Variants in AK9 observed in about 807,000 individuals in gnomAD.
The protein encoded by AK9 is adenylate kinase 9.
AK9 carries 191 observed loss-of-function variants against 239.6 expected under a neutral mutation model. The ratio of observed to expected loss-of-function variants is 0.80; its 90% CI spans 0.71 to 0.90. AK9 has a LOEUF of 0.90. Among genes scored for constraint, AK9 ranks in the 40% least tolerant of loss-of-function variants. AK9 has a pLI of 0.00. For missense variants in AK9, 1,995 were observed against 2,214.7 expected (o/e 0.90, Z 1.99); for synonymous variants, 689 against 721.0 (o/e 0.96, Z 0.71).
chr6:109,640,465 T>G (rs927778410), intron 10 of AK9, among the ~76,000 whole-genome samples: 4 of 152,176 alleles, frequency 2.6e-5, no homozygotes, highest in Non-Finnish European at 5.9e-5. Context: ...CCCAATGAGA[T>G]GAACCAGGTA....
At chr6:109,631,606 T>G (rs913166515) in intron 12 of AK9, 1 of 152,214 alleles carries the variant, frequency 6.6e-6, no homozygotes, top group Non-Finnish European at 1.5e-5. Flanking sequence ...GGAACTACTT[T>G]GGAAAACAAT....
intron 27 of AK9, among the ~76,000 whole-genome samples, chr6:109,540,598 G>A (rs1049198411): frequency 6.6e-6 from 1 of 152,174 alleles, no homozygotes; most frequent in African/African-American, 2.4e-5. Context: ...TCAGTGGGCT[G>A]CACCCACTGT....
Position 109,614,207 on chromosome 6 carries a change from G to C in AK9, c.1585C>G (p.Gln529Glu), listed in dbSNP as rs745748237. 33 of 1,551,048 alleles carry C rather than the reference G, an allele frequency of 2.1e-5. No individual in the cohort carries two copies. Among genetic ancestry groups the C allele is most frequent in the Non-Finnish European group, 2.8e-5 (32 of 1,146,668 alleles). ...CCATCTTTATCAACTTTAGCAGCTT[G>C]ATCATGGAGGACATTTTCTGACTTT... is the stretch of plus-strand genomic sequence containing the variant. ...KTKSENVLHDQAAKVDKDDGK... is the reference protein window; with the variant it reads ...KTKSENVLHDEAAKVDKDDGK... The change falls in exon 15 of 41, where the codon CAA (glutamine) becomes GAA (glutamate). Residue 529 changes from glutamine (Q) to glutamate (E), a missense_variant. Physicochemically the swap from Gln to Glu is conservative, Grantham distance 29. Around this residue, in one of 5 missense-constraint regions of AK9, gnomAD observed 1,290 missense variants for 1,392.7 expected, o/e 0.93. Coordinates refer to ENST00000424296, the MANE Select transcript of AK9 (RefSeq NM_001145128.3).
chr6:109,515,926 G>T lies in AK9; in HGVS notation c.3996C>A (p.Pro1332=), dbSNP rs1292694990. 1 of 1,551,752 alleles carries T rather than the reference G, an allele frequency of 6.4e-7. No homozygotes were observed. The highest frequency in any genetic ancestry group is 2.4e-5 in the East Asian group (1 of 40,908). Residue 1332 remains proline, a synonymous_variant, in exon 31 of 41, where the codon CCC becomes CCA. Transcript: ENST00000424296. ...IFEKCHPIPA[P]LAQKMLTFTY... ...TAAAGGTGAGCATTTTCTGGGCAAG[G>T]GGTGCTGGTATTGGATGACATTTCT...
intron 27 of AK9, among the ~76,000 whole-genome samples, chr6:109,536,467 T>C (rs1782008152): frequency 6.6e-6 from 1 of 152,238 alleles, no homozygotes; most frequent in Non-Finnish European, 1.5e-5. Flanking sequence ...TCCTGAGACT[T>C]TGCTGAAGTT....
At chr6:109,601,387 T>C (rs141631868) in intron 17 of AK9, among the ~76,000 whole-genome samples, 3,163 of 152,312 alleles carry the variant, frequency 0.021, 100 homozygotes, top group African/African-American at 0.073. Context: ...TTGAGCAGTT[T>C]TGAGTGAGTT....
Position 109,509,205 on chromosome 6 carries a change from C to T in AK9, c.4455G>A (p.Leu1485=). ...ELAIQALELS[L]MESVCNTAGV... is the part of the protein sequence containing the mutation. ...CTGCAGTATTGCACACACTTTCCAT[C>T]AGAGAAAGTTCTAAGGCTTGAATAG... The change falls in exon 33 of 41, where the codon CTG becomes CTA. Residue 1485 remains leucine (L), a synonymous_variant. Transcript: ENST00000424296. 1 of 1,552,212 alleles carries T rather than the reference C, an allele frequency of 6.4e-7. No homozygotes were observed. Among genetic ancestry groups the T allele is most frequent in the Non-Finnish European group, 8.7e-7 (1 of 1,147,090 alleles).
Position 109,633,007 on chromosome 6 carries a change from T to C in AK9, c.1170A>G (p.Pro390=), listed in dbSNP as rs762688030. 3.1e-6 allele frequency: 5 copies of C among 1,607,060 alleles called. No individual in the cohort carries two copies. The South Asian group carries it at 5.6e-5, about 18-fold the overall frequency. ...GTCCAAGTATGAATACTTTACATGG[T>C]GGTCCTGGCATAGGTGGAAGCAGAT... is the stretch of plus-strand genomic sequence containing the variant. ...RPYLLPPMPG[P]PCKVFILGPQ... The change falls in exon 12 of 41, where the codon CCA becomes CCG. Residue 390 remains proline, a synonymous_variant. Transcript: ENST00000424296.
chr6:109,508,185 T>C (rs1294784768), intron 33 of AK9, among the ~76,000 whole-genome samples: 4 of 152,214 alleles, frequency 2.6e-5, no homozygotes, highest in Non-Finnish European at 5.9e-5. Context: ...GCAGAGGGGA[T>C]TGTTGGCTAG....
chr6:109,549,646 T>C (rs997936945), intron 25 of AK9: 2 of 151,994 alleles, frequency 1.3e-5, no homozygotes, highest in African/African-American at 2.4e-5. Context: ...AAAGTTGTTC[T>C]TTGAACTTAG....
chr6:109,627,652 A>G (rs1795700667), intron 12 of AK9, among the ~76,000 whole-genome samples: 2 of 115,726 alleles, frequency 1.7e-5, no homozygotes, highest in African/African-American at 5.3e-5. Flanking sequence ...TACCACACTG[A>G]ACTTCTGTTT....
At chr6:109,596,875 G>A (rs894095301) in intron 17 of AK9, among the ~76,000 whole-genome samples, 2 of 152,106 alleles carry the variant, frequency 1.3e-5, no homozygotes, top group South Asian at 2.1e-4. Context: ...GGGATTGCTG[G>A]ATCGTACTGT....
chr6:109,658,049 A>G (rs1319334877), intron 7 of AK9, among the ~76,000 whole-genome samples: 1 of 152,192 alleles, frequency 6.6e-6, no homozygotes, highest in Non-Finnish European at 1.5e-5. Context: ...CCTTGAATGT[A>G]CAATTATTTA....
At chr6:109,555,890 C>A (rs1260006268) in intron 24 of AK9, among the ~76,000 whole-genome samples, 1 of 151,992 alleles carries the variant, frequency 6.6e-6, no homozygotes, top group Non-Finnish European at 1.5e-5. Context: ...TTATTTTGAG[C>A]CTGTGTGTAT....
At chr6:109,600,193 A>G (rs1282214980) in intron 17 of AK9, among the ~76,000 whole-genome samples, 1 of 152,172 alleles carries the variant, frequency 6.6e-6, no homozygotes, top group East Asian at 1.9e-4. Context: ...TTGCCCATTC[A>G]GTATGATATT....
intron 21 of AK9, among the ~76,000 whole-genome samples, chr6:109,572,247 C>G (rs1395256207): frequency 6.6e-6 from 1 of 152,128 alleles, no homozygotes; most frequent in African/African-American, 2.4e-5. Context: ...CCCTCAACCC[C>G]CCTCTCGTCT....
intron 38 of AK9, among the ~76,000 whole-genome samples, chr6:109,496,367 GTGTT>G (rs1406447293): frequency 6.6e-6 from 1 of 152,204 alleles, no homozygotes; most frequent in Non-Finnish European, 1.5e-5. Context: ...TGCAGGCACT[GTGTT>G]TGTTTGTAGC....
chr6:109,623,904 C>CACACA (rs772870675), intron 12 of AK9, among the ~76,000 whole-genome samples: 164 of 124,360 alleles, frequency 1.3e-3, no homozygotes, highest in African/African-American at 5.5e-3. Flanking sequence ...CACACACACA[C>CACACA]ATTTCTTCTC....
chr6:109,636,178 G>A (rs925427657), intron 10 of AK9, among the ~76,000 whole-genome samples: 8 of 151,958 alleles, frequency 5.3e-5, no homozygotes, highest in African/African-American at 1.9e-4. Context: ...TCCTCCTACT[G>A]CACAAACCCA....
Sources: allele counts gnomAD v4.1 joint callset (sites outside exome capture counted in the v4.1 genomes callset), GRCh38; gene constraint gnomAD v4.1.1; regional missense constraint gnomAD v4.1.1; transcripts MANE v1.5; gene names NCBI Gene and HGNC (gene_info 2026-07-23, HGNC 2026-07-21).